The following GPC5 variants were observed in gnomAD, a reference collection of about 807,000 sequenced individuals.
GPC5 encodes the protein glypican 5.
GPC5 carries 47 observed loss-of-function variants against 53.9 expected under a neutral mutation model. That is an observed-to-expected ratio of 0.87 (90% CI 0.69 to 1.11). The LOEUF (loss-of-function observed/expected upper bound fraction) is 1.11. Ranked by LOEUF, GPC5 falls within the 50% of genes most tolerant of loss-of-function variation. The pLI, the probability that GPC5 is intolerant of heterozygous loss-of-function variation, is 0.00. For synonymous variants in GPC5, 286 were observed against 263.3 expected (o/e 1.09, Z -0.84); for missense variants, 748 against 713.1 (o/e 1.05, Z -0.56).
Position 91,693,205 on chromosome 13 carries a change from T to C in GPC5, c.344T>C (p.Ile115Thr). 1 of 1,613,122 alleles carries C rather than the reference T, an allele frequency of 6.2e-7. No individual in the cohort carries two copies. The highest frequency in any genetic ancestry group is 8.5e-7 in the Non-Finnish European group (1 of 1,179,512). ...GTTACAGAAACCCTTGAAACTCTCA[T>C]CAAACAAGCAGAAAATTACACCAGT... ...AAFQETLETL[I>T]KQAENYTSIL... The change falls in exon 3 of 8, where the codon ATC (isoleucine) becomes ACC (threonine). Residue 115 changes from isoleucine (I) to threonine (T), a missense_variant. Physicochemically the swap from Ile to Thr is moderately conservative, Grantham distance 89. Coordinates refer to ENST00000377067, the MANE Select transcript of GPC5 (RefSeq NM_004466.6).
chr13:92,715,293 A>G (rs1193832670), intron 7 of GPC5, among the ~76,000 whole-genome samples: 3 of 152,188 alleles, frequency 2.0e-5, no homozygotes, highest in African/African-American at 7.2e-5. Context: ...AGTACTATTT[A>G]TAGACTGTAA....
chr13:91,451,092 G>A (rs1881142771), intron 2 of GPC5, among the ~76,000 whole-genome samples: 1 of 152,060 alleles, frequency 6.6e-6, no homozygotes, highest in African/African-American at 2.4e-5. Context: ...ACAATATAAA[G>A]TCTTTATAAG....
intron 7 of GPC5, among the ~76,000 whole-genome samples, chr13:92,316,800 T>C (rs1379911751): frequency 1.3e-5 from 2 of 152,128 alleles, no homozygotes; most frequent in East Asian, 1.9e-4. Flanking sequence ...CTGGGTCAAA[T>C]TTTGATGTTG....
At chr13:91,405,378 T>A (rs1877244456) in intron 1 of GPC5, among the ~76,000 whole-genome samples, 1 of 152,106 alleles carries the variant, frequency 6.6e-6, no homozygotes, top group South Asian at 2.1e-4. Flanking sequence ...TTGCCAACTG[T>A]CCCATGGGAG....
chr13:91,879,113 T>G (rs2039237043), intron 5 of GPC5, among the ~76,000 whole-genome samples: 1 of 152,104 alleles, frequency 6.6e-6, no homozygotes, highest in Non-Finnish European at 1.5e-5. Flanking sequence ...ACTATTATCA[T>G]GTACTCTCTT....
intron 7 of GPC5, among the ~76,000 whole-genome samples, chr13:92,284,403 A>G (rs190471721): frequency 6.6e-6 from 1 of 152,214 alleles, no homozygotes; most frequent in Non-Finnish European, 1.5e-5. Flanking sequence ...GGCCAGCATC[A>G]TCCTGATACC....
intron 2 of GPC5, among the ~76,000 whole-genome samples, chr13:91,581,344 C>G (rs9515943): frequency 0.48 from 73,039 of 152,070 alleles, 21,521 homozygotes; most frequent in East Asian, 0.71. Flanking sequence ...TTGGCCCCAT[C>G]ATGGTCAGCT....
chr13:92,057,892 G>A (rs6492571), intron 6 of GPC5, among the ~76,000 whole-genome samples: 84,734 of 151,748 alleles, frequency 0.56, 23,968 homozygotes, highest in East Asian at 0.79. Flanking sequence ...GGGTACAGAG[G>A]AAAAGAGAAA....
At chr13:92,566,081 T>C (rs1373302045) in intron 7 of GPC5, among the ~76,000 whole-genome samples, 1 of 152,102 alleles carries the variant, frequency 6.6e-6, no homozygotes, top group Non-Finnish European at 1.5e-5. Flanking sequence ...ACTAATGGGA[T>C]CAGAGGTCTT....
At chr13:92,459,550 T>C (rs1878401935) in intron 7 of GPC5, among the ~76,000 whole-genome samples, 1 of 152,208 alleles carries the variant, frequency 6.6e-6, no homozygotes, top group Non-Finnish European at 1.5e-5. Flanking sequence ...CCCTGACAGC[T>C]GGACGATTGT....
At chr13:92,666,547 G>T (rs34469781) in intron 7 of GPC5, among the ~76,000 whole-genome samples, 36,173 of 151,992 alleles carry the variant, frequency 0.24, 4,999 homozygotes, top group South Asian at 0.39. Flanking sequence ...GATCAATTCT[G>T]ACAAATGTTC....
chr13:91,464,123 T>C (rs1478986704), intron 2 of GPC5, among the ~76,000 whole-genome samples: 1 of 152,004 alleles, frequency 6.6e-6, no homozygotes, highest in Non-Finnish European at 1.5e-5. Flanking sequence ...ACTAAGTACA[T>C]GAAAAGATAT....
intron 7 of GPC5, among the ~76,000 whole-genome samples, chr13:92,803,524 G>T (rs546829470): frequency 6.6e-6 from 1 of 151,894 alleles, no homozygotes; most frequent in Non-Finnish European, 1.5e-5. Context: ...TCTCATACTG[G>T]AGAATTACTA....
At chr13:92,548,032 G>A (rs1281946215) in intron 7 of GPC5, among the ~76,000 whole-genome samples, 1 of 149,218 alleles carries the variant, frequency 6.7e-6, no homozygotes, top group Admixed American at 6.7e-5. Context: ...GTAGAGACGG[G>A]GTTTCACCGT....
At chr13:92,520,306 G>A (rs2138967346) in intron 7 of GPC5, among the ~76,000 whole-genome samples, 1 of 152,204 alleles carries the variant, frequency 6.6e-6, no homozygotes. Context: ...TGATACCAAA[G>A]CCTGGCAGAG....
At chr13:91,955,060 A>T (rs2040060879) in intron 6 of GPC5, among the ~76,000 whole-genome samples, 2 of 152,202 alleles carry the variant, frequency 1.3e-5, no homozygotes, top group African/African-American at 4.8e-5. Flanking sequence ...AGACTATATG[A>T]CATTGAGAGG....
intron 7 of GPC5, among the ~76,000 whole-genome samples, chr13:92,836,635 T>A (rs9589636): frequency 0.21 from 32,444 of 151,916 alleles, 5,309 homozygotes; most frequent in African/African-American, 0.46. Flanking sequence ...ATGCAGTTAT[T>A]TCCCTAATGA....
At chr13:91,862,103 A>G (rs999117159) in intron 5 of GPC5, among the ~76,000 whole-genome samples, 5 of 152,092 alleles carry the variant, frequency 3.3e-5, no homozygotes, top group African/African-American at 1.2e-4. Flanking sequence ...TCTGTTACTC[A>G]TATACTTATC....
At chr13:92,385,363 CAT>C (rs71882570) in intron 7 of GPC5, among the ~76,000 whole-genome samples, 33,065 of 90,132 alleles carry the variant, frequency 0.37, 8,777 homozygotes, top group Non-Finnish European at 0.44. Context: ...TACATATATA[CAT>C]ATATATACAT....
Sources: allele counts gnomAD v4.1 joint callset (sites outside exome capture counted in the v4.1 genomes callset), GRCh38; gene constraint gnomAD v4.1.1; transcripts MANE v1.5; gene names NCBI Gene and HGNC (gene_info 2026-07-23, HGNC 2026-07-21).